The following SLC9A9 variants were observed in gnomAD, a reference collection of about 807,000 sequenced individuals.
SLC9A9 encodes solute carrier family 9 member A9.
SLC9A9 carries 62 observed loss-of-function variants against 77.8 expected under a neutral mutation model. The observed-to-expected ratio is 0.80, with a 90% CI of 0.65 to 0.98. The LOEUF (loss-of-function observed/expected upper bound fraction) is 0.98. Among genes scored for constraint, SLC9A9 ranks in the 50% least tolerant of loss-of-function variants. The probability of loss-of-function intolerance (pLI) is 0.00; values close to 1 mark genes in which losing one functional copy is unlikely to be tolerated. For missense variants in SLC9A9, 775 were observed against 774.9 expected (o/e 1.00, Z 0.00); for synonymous variants, 320 against 283.5 (o/e 1.13, Z -1.29).
rs2108581366 is a variant in SLC9A9, at chr3:143,481,836, G to A, written c.1315+11817C>T. Among the ~76,000 whole-genome samples, 2 of 152,326 alleles carry A rather than the reference G, an allele frequency of 1.3e-5. 1 individual carries two copies. The highest frequency in any genetic ancestry group is 4.1e-4 in the South Asian group (2 of 4,820). On this transcript the variant is annotated intron_variant, in intron 11 of 15. Coordinates refer to ENST00000316549, the MANE Select transcript of SLC9A9 (RefSeq NM_173653.4). Reference sequence around the variant, plus strand: ...GGGACGGTCCTGGTAGCTTAATGGAGTTCCATTAGCCTGGATAGTCATAGA... The same window carrying A: ...GGGACGGTCCTGGTAGCTTAATGGAATTCCATTAGCCTGGATAGTCATAGA...
intron 4 of SLC9A9, among the ~76,000 whole-genome samples, chr3:143,721,035 C>T (rs1177165583): frequency 6.6e-6 from 1 of 152,150 alleles, no homozygotes; most frequent in African/African-American, 2.4e-5. Flanking sequence ...ATAGTGAGAC[C>T]TTGTCTCTAC....
At chr3:143,467,263 C>A in intron 11 of SLC9A9, 73 bp from the exon 12 acceptor site, 3 of 1,563,198 alleles carry the variant, frequency 1.9e-6, no homozygotes, top group East Asian at 2.3e-5. Flanking sequence ...TTCATCTTTA[C>A]AATTTGCTGA....
intron 6 of SLC9A9, among the ~76,000 whole-genome samples, chr3:143,587,848 C>T (rs1353792200): frequency 1.3e-5 from 2 of 152,100 alleles, no homozygotes; most frequent in Non-Finnish European, 2.9e-5. Flanking sequence ...TAACAGCAGA[C>T]CACAGGAAAT....
At chr3:143,792,410 C>T (rs778962155) in intron 4 of SLC9A9, among the ~76,000 whole-genome samples, 15 of 152,156 alleles carry the variant, frequency 9.9e-5, no homozygotes, top group Non-Finnish European at 2.2e-4. Context: ...TTATATGGCT[C>T]CCAAAACAAT....
At chr3:143,680,570 T>C (rs1933054409) in intron 5 of SLC9A9, among the ~76,000 whole-genome samples, 1 of 152,170 alleles carries the variant, frequency 6.6e-6, no homozygotes. Flanking sequence ...GTAAGTTTTA[T>C]AGATATTGAA....
chr3:143,451,667 T>G (rs772320804), intron 12 of SLC9A9, among the ~76,000 whole-genome samples: 10 of 152,100 alleles, frequency 6.6e-5, no homozygotes, highest in Non-Finnish European at 1.3e-4. Context: ...CCCTGCTTAA[T>G]GCTTACAAAA....
chr3:143,814,490 A>G (rs1176717951), intron 2 of SLC9A9, among the ~76,000 whole-genome samples: 1 of 152,148 alleles, frequency 6.6e-6, no homozygotes, highest in Non-Finnish European at 1.5e-5. Flanking sequence ...GGGCTGCAGA[A>G]AGCCAGAGAG....
rs551665965 is a variant in SLC9A9 at position 143,596,288 on chromosome 3, G to A, written c.756-17565C>T. On this transcript the variant is annotated intron_variant, in intron 6 of 15. Transcript: ENST00000316549. ...ATATAAATCCTAATCTCTTCTCAAC[G>A]TGTGTGTGTGTATGTGTGCGTGCAC... is the stretch of plus-strand genomic sequence containing the variant. 1.3e-4 allele frequency among the ~76,000 whole-genome samples: 20 copies of A among 151,876 alleles called. No individual in the cohort carries two copies. The East Asian group carries it at 2.9e-3, about 22-fold the overall frequency.
intron 9 of SLC9A9, among the ~76,000 whole-genome samples, chr3:143,509,361 T>C (rs1410154082): frequency 6.6e-6 from 1 of 152,206 alleles, no homozygotes; most frequent in Non-Finnish European, 1.5e-5. Context: ...TAAAATATAC[T>C]GACTGTAGAT....
intron 14 of SLC9A9, among the ~76,000 whole-genome samples, chr3:143,302,032 G>A (rs560867560): frequency 1.3e-5 from 2 of 152,282 alleles, no homozygotes; most frequent in African/African-American, 2.4e-5. Context: ...AGAGGGTTGG[G>A]GAGAGAGGTG....
chr3:143,836,810 T>A (rs1187937969), intron 1 of SLC9A9, among the ~76,000 whole-genome samples: 2 of 152,220 alleles, frequency 1.3e-5, no homozygotes, highest in Non-Finnish European at 2.9e-5. Flanking sequence ...CTAGGACTTG[T>A]AGGAGTTATT....
intron 2 of SLC9A9, among the ~76,000 whole-genome samples, chr3:143,815,410 G>A (rs2008979384): frequency 6.6e-6 from 1 of 152,186 alleles, no homozygotes; most frequent in Non-Finnish European, 1.5e-5. Context: ...TAGTTGGGGA[G>A]AAGCGTGGCA....
rs531636246 is a variant in SLC9A9 at position 143,343,557 on chromosome 3, T to A, written c.1604+19927A>T. The A allele has an allele frequency of 2.0e-5, 3 of 152,292 alleles. No individual in the cohort carries two copies. The South Asian group carries it at 6.2e-4, about 32-fold the overall frequency. 9.4% of individuals were successfully genotyped at this position (152,292 alleles called of 1,614,324 possible). On this transcript the variant is annotated intron_variant, in intron 14 of 15. Transcript: ENST00000316549. ...AGAGAGAAAACTGCAGGAGTCCCTA[T>A]TTTGTCCCCTCAAAATGAATTAAAT...
At chr3:143,357,831 C>T (rs948066788) in intron 14 of SLC9A9, among the ~76,000 whole-genome samples, 1 of 152,130 alleles carries the variant, frequency 6.6e-6, no homozygotes, top group Non-Finnish European at 1.5e-5. Context: ...AATCACAAGG[C>T]CACAGCGAAC....
chr3:143,807,453 G>A (rs1465051691), intron 2 of SLC9A9, among the ~76,000 whole-genome samples: 2 of 152,094 alleles, frequency 1.3e-5, no homozygotes, highest in Admixed American at 6.5e-5. Context: ...GAAAACTGAG[G>A]CACTAAGGAG....
At chr3:143,370,334 G>A (rs1010129784) in intron 13 of SLC9A9, among the ~76,000 whole-genome samples, 6 of 152,074 alleles carry the variant, frequency 3.9e-5, no homozygotes, top group Non-Finnish European at 7.4e-5. Context: ...GAAGACATAT[G>A]TTCCCTCTTA....
intron 4 of SLC9A9, among the ~76,000 whole-genome samples, chr3:143,762,107 C>A (rs529809452): frequency 6.6e-6 from 1 of 152,116 alleles, no homozygotes; most frequent in South Asian, 2.1e-4. Context: ...AACCAAACAC[C>A]GCATGTTCTC....
At chr3:143,804,014 G>T (rs1337760296) in intron 2 of SLC9A9, among the ~76,000 whole-genome samples, 1 of 152,024 alleles carries the variant, frequency 6.6e-6, no homozygotes, top group East Asian at 1.9e-4. Context: ...CCCCCCTTAT[G>T]TGGACCCCTC....
intron 12 of SLC9A9, among the ~76,000 whole-genome samples, chr3:143,411,531 A>G (rs2034096281): frequency 6.6e-6 from 1 of 152,210 alleles, no homozygotes; most frequent in South Asian, 2.1e-4. Context: ...CTTCCAGAAC[A>G]CGAACTCTAT....
Sources: gnomAD v4.1 joint callset for allele counts (sites outside exome capture counted in the v4.1 genomes callset) on GRCh38, gnomAD v4.1.1 for gene constraint, MANE v1.5 for transcripts, NCBI Gene and HGNC (gene_info 2026-07-23, HGNC 2026-07-21) for gene names.